Variants in GPR132 observed in about 807,000 individuals in gnomAD.
The protein encoded by GPR132 is G protein-coupled receptor 132, also known as probable G protein-coupled receptor 132.
In GPR132, 4 loss-of-function variants were observed where a neutral mutation model predicts 1.9. That is an observed-to-expected ratio of 2.13 (90% CI 1.05 to 4.87). The LOEUF is 4.87. Ranked by LOEUF, GPR132 falls within the 30% of genes most tolerant of loss-of-function variation. The probability of loss-of-function intolerance (pLI) is 0.01; values close to 1 mark genes in which losing one functional copy is unlikely to be tolerated. For missense variants in GPR132, 404 were observed against 512.5 expected (o/e 0.79, Z 2.04); for synonymous variants, 233 against 234.2 (o/e 0.99, Z 0.05).
At position 105,051,866 on chromosome 14, in the gene GPR132, A is replaced by G; in HGVS notation, c.271T>C (p.Tyr91His). Reference sequence around the variant, plus strand: ...ACCCAGAGTGGCAGCGTGCCTGTGTACAGCAGCTCGCAGAGTGCCAGGCAG... The same window carrying G: ...ACCCAGAGTGGCAGCGTGCCTGTGTGCAGCAGCTCGCAGAGTGCCAGGCAG... ...LLCLALCELL[Y>H]TGTLPLWVIY... The change falls in exon 4 of 4, where the codon TAC (tyrosine) becomes CAC (histidine). Residue 91 changes from tyrosine (Y) to histidine (H), a missense_variant. Coordinates refer to ENST00000329797, the MANE Select transcript of GPR132 (RefSeq NM_013345.4). This position sits in a 1 kb window ranked among gnomAD's most constrained non-coding sequence, Gnocchi z 8.0. 1 of 1,613,898 alleles carries G rather than the reference A, an allele frequency of 6.2e-7. No individual in the cohort carries two copies. The highest frequency in any genetic ancestry group is 8.5e-7 in the Non-Finnish European group (1 of 1,180,004).
chr14:105,060,784 T>C lies in GPR132; in HGVS notation c.-860-3504A>G, dbSNP rs1428162459. ...GCTGGTCCAGGGCTGTGCCGCCCAG[T>C]CACGCCAATGCCAGCCGGCAACCCT... On this transcript the variant is annotated intron_variant, in intron 1 of 3. Coordinates refer to ENST00000329797, the MANE Select transcript of GPR132 (RefSeq NM_013345.4). The surrounding 1 kb of genome is among the most constrained non-coding windows in gnomAD (Gnocchi z 6.3). 6.6e-6 allele frequency among the ~76,000 whole-genome samples: 1 copy of C among 152,140 alleles called. No individual in the cohort carries two copies. The highest frequency in any genetic ancestry group is 1.5e-5 in the Non-Finnish European group (1 of 68,018).
Position 105,050,064 on chromosome 14 carries a change from A to C in GPR132, c.*930T>G, listed in dbSNP as rs1886590369. Reference sequence around the variant, plus strand: ...AGGTGTCATTGGCCCCATTTTACAGATAGGGAAACCAGGGCATCAGTGTGA... The same window carrying C: ...AGGTGTCATTGGCCCCATTTTACAGCTAGGGAAACCAGGGCATCAGTGTGA... On this transcript the variant is annotated 3_prime_UTR_variant, in exon 4 of 4. Coordinates refer to ENST00000329797, the MANE Select transcript of GPR132 (RefSeq NM_013345.4). This position sits in a 1 kb window ranked among gnomAD's most constrained non-coding sequence, Gnocchi z 4.0. 1 of 152,264 alleles carries C rather than the reference A, an allele frequency of 6.6e-6. No homozygotes were observed. The highest frequency in any genetic ancestry group is 2.4e-5 in the African/African-American group (1 of 41,400). The allele number at this position is 152,264 out of a possible 1,614,324, so 9.4% of individuals were successfully genotyped here. A position where few individuals can be genotyped will look rare whatever the true frequency, so the allele number is the denominator to read the frequency against.
At chr14:105,052,635 G>A (rs1414007709) in intron 3 of GPR132, among the ~76,000 whole-genome samples, 2 of 151,882 alleles carry the variant, frequency 1.3e-5, no homozygotes, top group African/African-American at 2.4e-5. Context: ...GCAATGCTGA[G>A]TCTTTGTAAC....
In GPR132 at chr14:105,049,975, A is replaced by C. The variant is rs1321620511; in HGVS notation, c.*1019T>G. The C allele has an allele frequency of 1.3e-5, 2 of 152,080 alleles. No individual in the cohort carries two copies. Among genetic ancestry groups the C allele is most frequent in the East Asian group, 3.9e-4 (2 of 5,156 alleles). The allele number at this position is 152,080 out of a possible 1,614,324, so 9.4% of individuals were successfully genotyped here. On this transcript the variant is annotated 3_prime_UTR_variant, in exon 4 of 4. Transcript: ENST00000329797. ...CTGCCCGGCTCTGTGCTCTGAGTGC[A>C]TGCGATGTGCCCGAGGTGTCGGGGC...
chr14:105,062,475 TTC>T (rs1385992796), intron 1 of GPR132, among the ~76,000 whole-genome samples: 5 of 152,170 alleles, frequency 3.3e-5, no homozygotes, highest in African/African-American at 1.2e-4. Context: ...AACCCATGTT[TTC>T]TCTTTCTTTT....
At position 105,065,208 on chromosome 14, in the gene GPR132, TC is replaced by T. The variant is rs561233064; in HGVS notation, c.-861+170del. ...TGTGGTCACTGGGGGTCCTGGGTTCTCTCGGGAGGGACCCCAGATTAAGAAC... is the reference window on the plus strand; with the variant it reads ...TGTGGTCACTGGGGGTCCTGGGTTCTTCGGGAGGGACCCCAGATTAAGAAC... On this transcript the variant is annotated intron_variant, in intron 1 of 3. Coordinates refer to ENST00000329797, the MANE Select transcript of GPR132 (RefSeq NM_013345.4). 3.2e-3 allele frequency among the ~76,000 whole-genome samples: 482 copies of T among 152,240 alleles called. 1 individual carries two copies. The highest frequency in any genetic ancestry group is 0.011 in the African/African-American group (436 of 41,524).
chr14:105,062,801 A>G (rs1366977110), intron 1 of GPR132, among the ~76,000 whole-genome samples: 1 of 151,624 alleles, frequency 6.6e-6, no homozygotes, highest in Non-Finnish European at 1.5e-5. Flanking sequence ...TCAGCCTCCC[A>G]AAGTGCTGGG....
rs1000264162 is a variant in GPR132, at chr14:105,057,252, A to G, written c.-832T>C. The G allele has an allele frequency of 2.4e-5, 24 of 994,458 alleles. 1 individual carries two copies. In the South Asian group the frequency reaches 3.1e-4, roughly 13 times the overall value. 61.6% of individuals were successfully genotyped at this position (994,458 alleles called of 1,614,324 possible). On this transcript the variant is annotated 5_prime_UTR_variant, in exon 2 of 4. Transcript: ENST00000329797. ...GTCATGCGTCTTGTCGGTCCTATCA[A>G]GACGTTCACTCTGAGAGTTTAAAAT...
chr14:105,054,987 G>A (rs1228679272), intron 3 of GPR132, among the ~76,000 whole-genome samples: 1 of 141,478 alleles, frequency 7.1e-6, no homozygotes, highest in Non-Finnish European at 1.5e-5. Flanking sequence ...TTGCGCCACT[G>A]CACTCCAGCC....
rs1203120949 is a variant in GPR132, at chr14:105,050,977, C to T, written c.*17G>A. 1 of 1,601,896 alleles carries T rather than the reference C, an allele frequency of 6.2e-7. No homozygotes were observed. The highest frequency in any genetic ancestry group is 8.5e-7 in the Non-Finnish European group (1 of 1,170,398). ...CCCAGGACCCCCAACCTGCCATCCC[C>T]CTGCCACACAGTGGGCTCAGCAGGA... is the stretch of plus-strand genomic sequence containing the variant. On this transcript the variant is annotated 3_prime_UTR_variant, in exon 4 of 4. Transcript: ENST00000329797. The surrounding 1 kb of genome is among the most constrained non-coding windows in gnomAD (Gnocchi z 4.0).
At chr14:105,052,507 A>C (rs1886678231) in intron 3 of GPR132, among the ~76,000 whole-genome samples, 1 of 151,682 alleles carries the variant, frequency 6.6e-6, no homozygotes, top group South Asian at 2.1e-4. Context: ...TTTGTATTTT[A>C]GTAGAGACGG....
chr14:105,064,997 C>A (rs1438353197), intron 1 of GPR132, among the ~76,000 whole-genome samples: 1 of 152,018 alleles, frequency 6.6e-6, no homozygotes, highest in Non-Finnish European at 1.5e-5. Context: ...TGCCCCCCGA[C>A]CAATCACGGA....
rs1470978002 is a variant in GPR132 at position 105,056,581 on chromosome 14, C to A, written c.-746-415G>T. On this transcript the variant is annotated intron_variant, in intron 2 of 3. Coordinates refer to ENST00000329797, the MANE Select transcript of GPR132 (RefSeq NM_013345.4). The surrounding 1 kb of genome is among the most constrained non-coding windows in gnomAD (Gnocchi z 6.0). ...GACTTCCTACGGCTCCCCCACCCCACACATCGTCGCCCGTGCGGTCTCAGT... is the reference window on the plus strand; with the variant it reads ...GACTTCCTACGGCTCCCCCACCCCAAACATCGTCGCCCGTGCGGTCTCAGT... Among the ~76,000 whole-genome samples, 1 of 152,246 alleles carries A rather than the reference C, an allele frequency of 6.6e-6. No individual in the cohort carries two copies. The highest frequency in any genetic ancestry group is 1.5e-5 in the Non-Finnish European group (1 of 68,034).
Position 105,051,051 on chromosome 14 carries a change from G to C in GPR132, c.1086C>G (p.Pro362=), listed in dbSNP as rs75438737. ...ALADHYTFSR[P]VHPPGSPCPA... is the part of the protein sequence containing the mutation. Reference sequence around the variant, plus strand: ...GGCATGGTGACCCTGGTGGGTGCACGGGCCTGGAGAAGGTGTAGTGGTCTG... The same window carrying C: ...GGCATGGTGACCCTGGTGGGTGCACCGGCCTGGAGAAGGTGTAGTGGTCTG... Residue 362 remains proline, a synonymous_variant, in exon 4 of 4, where the codon CCC becomes CCG. Coordinates refer to ENST00000329797, the MANE Select transcript of GPR132 (RefSeq NM_013345.4). This position sits in a 1 kb window ranked among gnomAD's most constrained non-coding sequence, Gnocchi z 8.0. The C allele has an allele frequency of 1.2e-6, 2 of 1,614,020 alleles. No homozygotes were observed. The highest frequency in any genetic ancestry group is 1.7e-6 in the Non-Finnish European group (2 of 1,179,992).
rs1485796725 is a variant in GPR132, at chr14:105,056,454, A to G, written c.-746-288T>C. Among the ~76,000 whole-genome samples the G allele has an allele frequency of 6.6e-6, 1 of 152,214 alleles. No individual in the cohort carries two copies. The highest frequency in any genetic ancestry group is 1.5e-5 in the Non-Finnish European group (1 of 68,042). ...ATCACAGGCCCTGGGAGGCAGAGCCAGAATCCAAAACACAAGGGGAGATGC... is the reference window on the plus strand; with the variant it reads ...ATCACAGGCCCTGGGAGGCAGAGCCGGAATCCAAAACACAAGGGGAGATGC... On this transcript the variant is annotated intron_variant, in intron 2 of 3. Transcript: ENST00000329797. The surrounding 1 kb of genome is among the most constrained non-coding windows in gnomAD (Gnocchi z 6.0).
In GPR132 at chr14:105,051,847, A is replaced by T; in HGVS notation, c.290T>A (p.Leu97His). ...CELLYTGTLP[L>H]WVIYIRNQHR... ...CTGGTTGCGGATATAGATGACCCAGAGTGGCAGCGTGCCTGTGTACAGCAG... is the reference window on the plus strand; with the variant it reads ...CTGGTTGCGGATATAGATGACCCAGTGTGGCAGCGTGCCTGTGTACAGCAG... The change falls in exon 4 of 4, where the codon CTC becomes CAC. Residue 97 changes from leucine to histidine, a missense_variant. By Grantham distance (99) the Leu-to-His change is moderately conservative. Coordinates refer to ENST00000329797, the MANE Select transcript of GPR132 (RefSeq NM_013345.4). The surrounding 1 kb of genome is among the most constrained non-coding windows in gnomAD (Gnocchi z 8.0). 6.2e-7 allele frequency: 1 copy of T among 1,614,026 alleles called. No individual in the cohort carries two copies. The highest frequency in any genetic ancestry group is 1.7e-5 in the Admixed American group (1 of 60,030).
Position 105,051,829 on chromosome 14 carries a change from C to A in GPR132, c.308G>T (p.Arg103Leu), listed in dbSNP as rs61737889. Reference sequence around the variant, plus strand: ...GCCTAGGGTCCAGCGGTGCTGGTTGCGGATATAGATGACCCAGAGTGGCAG... The same window carrying A: ...GCCTAGGGTCCAGCGGTGCTGGTTGAGGATATAGATGACCCAGAGTGGCAG... ...GTLPLWVIYI[R>L]NQHRWTLGLL... The change falls in exon 4 of 4, where the codon CGC becomes CTC. Residue 103 changes from arginine (R) to leucine (L), a missense_variant. Coordinates refer to ENST00000329797, the MANE Select transcript of GPR132 (RefSeq NM_013345.4). This position sits in a 1 kb window ranked among gnomAD's most constrained non-coding sequence, Gnocchi z 8.0. The A allele has an allele frequency of 1.1e-5, 17 of 1,613,972 alleles. No homozygotes were observed. The highest frequency in any genetic ancestry group is 1.3e-5 in the African/African-American group (1 of 74,920).
intron 1 of GPR132, chr14:105,057,934 C>T (rs1395084803): frequency 6.6e-6 from 1 of 152,160 alleles, no homozygotes. Context: ...AATGATCCAC[C>T]CACCTCGGCC....
At chr14:105,058,218 A>G (rs894112676) in intron 1 of GPR132, among the ~76,000 whole-genome samples, 6 of 152,008 alleles carry the variant, frequency 3.9e-5, no homozygotes, top group South Asian at 4.2e-4. Flanking sequence ...AAATATAAAC[A>G]GGCATGATGG....
Sources: gnomAD v4.1 joint callset for allele counts (sites outside exome capture counted in the v4.1 genomes callset) on GRCh38, gnomAD v4.1.1 for gene constraint, Gnocchi (gnomAD v3.1) non-coding constraint, MANE v1.5 for transcripts, NCBI Gene and HGNC (gene_info 2026-07-23, HGNC 2026-07-21) for gene names.